Variants in PTPN20 observed in about 807,000 individuals in gnomAD.
PTPN20 encodes the protein protein tyrosine phosphatase non-receptor type 20, also known as tyrosine-protein phosphatase non-receptor type 20.
PTPN20 carries 9 observed loss-of-function variants against 35.0 expected under a neutral mutation model. The observed-to-expected ratio is 0.26, with a 90% CI of 0.15 to 0.45. The LOEUF is 0.45. Ranked by LOEUF, PTPN20 falls within the 20% of genes least tolerant of loss-of-function variation. The pLI, the probability that PTPN20 is intolerant of heterozygous loss-of-function variation, is 1.00. For missense variants in PTPN20, 111 were observed against 312.5 expected, an observed-to-expected ratio of 0.36 and a Z score of 4.86; for synonymous variants, 32 against 100.2, an observed-to-expected ratio of 0.32 and a Z score of 4.06.
In PTPN20 at chr10:46,999,949, A is replaced by C. The variant is rs782106749; in HGVS notation, c.1172A>C (p.Gln391Pro). 2 of 1,613,832 alleles carry C rather than the reference A, an allele frequency of 1.2e-6. No individual in the cohort carries two copies. Among genetic ancestry groups the C allele is most frequent in the South Asian group, 2.2e-5 (2 of 91,072 alleles). Residue 391 changes from glutamine to proline, a missense_variant, in exon 10 of 11, where the codon CAA becomes CCA. Physicochemically the swap from Gln to Pro is moderately conservative, Grantham distance 76 (BLOSUM62 -1). This residue lies in a region of PTPN20 where 61 missense variants were observed against 54.3 expected (regional missense o/e 1.12). Coordinates refer to ENST00000374339, the MANE Select transcript of PTPN20 (RefSeq NM_001042357.5). Reference sequence around the variant, plus strand: ...GATATAGTGGCCCAAATGAGAGAACAACGTTCTGGCATGGTTCAAACGAAG... The same window carrying C: ...GATATAGTGGCCCAAATGAGAGAACCACGTTCTGGCATGGTTCAAACGAAG... ...IMDIVAQMRE[Q>P]RSGMVQTKEQ...
chr10:46,981,115 A>G (rs1186211665), intron 7 of PTPN20, among the ~76,000 whole-genome samples: 1 of 150,058 alleles, frequency 6.7e-6, no homozygotes, highest in African/African-American at 2.4e-5. Flanking sequence ...TGGTGACAAT[A>G]AGGTCTGGGG....
intron 2 of PTPN20, among the ~76,000 whole-genome samples, chr10:46,937,518 G>A (rs1767773659): frequency 6.6e-6 from 1 of 151,438 alleles, no homozygotes; most frequent in South Asian, 2.1e-4. Flanking sequence ...AGTTTGCTGA[G>A]TCTGTTCAGT....
downstream of PTPN20, chr10:47,002,335 T>G (rs1308370710): frequency 6.6e-6 from 1 of 152,158 alleles, no homozygotes; most frequent in African/African-American, 2.4e-5. Context: ...GCCTGAAGTA[T>G]TTTTATTTAT....
At chr10:46,923,722 T>G (rs1321534400) in intron 1 of PTPN20, among the ~76,000 whole-genome samples, 1 of 151,248 alleles carries the variant, frequency 6.6e-6, no homozygotes, top group Non-Finnish European at 1.5e-5. Flanking sequence ...TTGATACCCA[T>G]GAAACAATTT....
In PTPN20 at chr10:46,938,206, C is replaced by A. The variant is rs1455337621; in HGVS notation, c.35-2417C>A. ...CCTCGTGATCCACCCTCTTCAGCCTCCCAAAGTGCTGGGATTACAGGCGTG... is the reference window on the plus strand; with the variant it reads ...CCTCGTGATCCACCCTCTTCAGCCTACCAAAGTGCTGGGATTACAGGCGTG... On this transcript the variant is annotated intron_variant, in intron 2 of 10. Coordinates refer to ENST00000374339, the MANE Select transcript of PTPN20 (RefSeq NM_001042357.5). Among the ~76,000 whole-genome samples the A allele has an allele frequency of 3.4e-5, 5 of 147,246 alleles. No homozygotes were observed. The Admixed American group carries it at 3.4e-4, about 10-fold the overall frequency.
At chr10:46,928,232 C>T (rs1489202149) in intron 1 of PTPN20, among the ~76,000 whole-genome samples, 1 of 152,064 alleles carries the variant, frequency 6.6e-6, no homozygotes, top group Non-Finnish European at 1.5e-5. Context: ...TGAATGCTCA[C>T]AGTAATCTTT....
chr10:46,986,412 A>G (rs1832607), intron 8 of PTPN20, among the ~76,000 whole-genome samples: 4 of 149,284 alleles, frequency 2.7e-5, no homozygotes, highest in African/African-American at 7.7e-5. Flanking sequence ...CTTTATTCAG[A>G]AAGCTTAGGA....
chr10:46,929,586 A>G (rs1301120750), intron 1 of PTPN20, among the ~76,000 whole-genome samples: 6 of 151,528 alleles, frequency 4.0e-5, no homozygotes, highest in African/African-American at 1.2e-4. Context: ...TAGTCCCTCA[A>G]ACATTTCTTG....
chr10:46,951,220 C>T (rs1194407271), intron 5 of PTPN20, among the ~76,000 whole-genome samples: 3 of 152,118 alleles, frequency 2.0e-5, no homozygotes, highest in Non-Finnish European at 4.4e-5. Flanking sequence ...GTCTCGAACT[C>T]CTGACATTGT....
chr10:47,001,033 CA>C lies in PTPN20; in HGVS notation c.*293del, dbSNP rs1341293018. 4 of 478,136 alleles carry C rather than the reference CA, an allele frequency of 8.4e-6. No individual in the cohort carries two copies. Among genetic ancestry groups the C allele is most frequent in the Non-Finnish European group, 1.5e-5 (4 of 263,628 alleles). 29.6% of individuals were successfully genotyped at this position (478,136 alleles called of 1,614,324 possible). On this transcript the variant is annotated 3_prime_UTR_variant, in exon 11 of 11. Transcript: ENST00000374339. ...CTTGGCTATTTGGTTGAAGGGATTA[CA>C]GAGCCCAATAAAGGATTTAAAATAT... is the stretch of plus-strand genomic sequence containing the variant.
At chr10:46,932,126 G>T (rs2039849726) in intron 1 of PTPN20, among the ~76,000 whole-genome samples, 1 of 149,822 alleles carries the variant, frequency 6.7e-6, no homozygotes, top group Non-Finnish European at 1.5e-5. Context: ...GGAGTGGAGG[G>T]GCCATTCACA....
intron 5 of PTPN20, among the ~76,000 whole-genome samples, chr10:46,953,339 CTTTCT>C (rs2047317865): frequency 5.4e-5 from 3 of 55,412 alleles, no homozygotes; most frequent in African/African-American, 2.1e-4. Context: ...CATTTCTTTT[CTTTCT>C]TTCTTTCTTT....
At chr10:46,945,353 C>T (rs1489406551) in intron 4 of PTPN20, among the ~76,000 whole-genome samples, 2 of 151,874 alleles carry the variant, frequency 1.3e-5, no homozygotes, top group African/African-American at 4.9e-5. Flanking sequence ...AAGTGGCAGT[C>T]AGTGGAGATT....
At chr10:46,995,337 T>C (rs1400690796) in intron 9 of PTPN20, among the ~76,000 whole-genome samples, 4 of 145,628 alleles carry the variant, frequency 2.7e-5, no homozygotes, top group Non-Finnish European at 4.5e-5. Context: ...TTTTTTCTTT[T>C]TTTTTTTTTT....
intron 7 of PTPN20, chr10:46,981,428 A>G (rs1486013532): frequency 2.0e-5 from 3 of 148,668 alleles, no homozygotes; most frequent in South Asian, 2.2e-4. Context: ...TGAGTGTCCA[A>G]TCTGCCAGCA....
chr10:47,003,465 T>C (rs2060136387), downstream of PTPN20, among the ~76,000 whole-genome samples: 1 of 152,086 alleles, frequency 6.6e-6, no homozygotes, highest in African/African-American at 2.4e-5. Flanking sequence ...ATAGAAATAA[T>C]AGACTCAACT....
chr10:46,955,051 G>A (rs1441213355), intron 5 of PTPN20: 1 of 151,118 alleles, frequency 6.6e-6, no homozygotes, highest in African/African-American at 2.5e-5. Flanking sequence ...TGAGAGAGAG[G>A]GTGTGCTTAG....
At chr10:46,954,857 T>C (rs2047981480) in intron 5 of PTPN20, among the ~76,000 whole-genome samples, 1 of 151,500 alleles carries the variant, frequency 6.6e-6, no homozygotes, top group East Asian at 1.9e-4. Flanking sequence ...TAAATACAAC[T>C]GGCCCTCCTT....
intron 9 of PTPN20, among the ~76,000 whole-genome samples, chr10:46,997,618 A>T (rs1173270517): frequency 2.8e-4 from 40 of 141,420 alleles, no homozygotes; most frequent in South Asian, 2.7e-3. Context: ...TGAAGAGGAT[A>T]AAAAAAAAAA....
Sources: gnomAD v4.1 joint callset for allele counts (sites outside exome capture counted in the v4.1 genomes callset) on GRCh38, gnomAD v4.1.1 for gene constraint, gnomAD v4.1.1 regional missense constraint, MANE v1.5 for transcripts, NCBI Gene and HGNC (gene_info 2026-07-23, HGNC 2026-07-21) for gene names.